Variants in GLIS3 observed in about 807,000 individuals in gnomAD.
GLIS3 encodes GLIS family zinc finger 3.
In GLIS3, 53 loss-of-function variants were observed where a neutral mutation model predicts 78.6. The ratio of observed to expected loss-of-function variants is 0.67; its 90% CI spans 0.54 to 0.85. The LOEUF (loss-of-function observed/expected upper bound fraction) is 0.85. GLIS3 is among the 40% of genes least tolerant of loss of function. The pLI, the probability that GLIS3 is intolerant of heterozygous loss-of-function variation, is 0.00. For synonymous variants in GLIS3, 684 were observed against 509.9 expected (o/e 1.34, Z -4.60); for missense variants, 1,703 against 1,231.1 (o/e 1.38, Z -5.74).
intron 2 of GLIS3, among the ~76,000 whole-genome samples, chr9:4,280,204 G>C (rs1007798734): frequency 6.6e-6 from 1 of 152,038 alleles, no homozygotes; most frequent in Non-Finnish European, 1.5e-5. Flanking sequence ...ATTTTTTGTA[G>C]AGAGAGAGGG....
chr9:4,198,618 A>G (rs1200633311), intron 2 of GLIS3, among the ~76,000 whole-genome samples: 1 of 152,252 alleles, frequency 6.6e-6, no homozygotes, highest in Non-Finnish European at 1.5e-5. Flanking sequence ...GAGAAAAAGA[A>G]AATACCTTGG....
intron 4 of GLIS3, among the ~76,000 whole-genome samples, chr9:4,019,307 A>G (rs923487220): frequency 6.6e-6 from 1 of 152,170 alleles, no homozygotes; most frequent in African/African-American, 2.4e-5. Flanking sequence ...CAGGAGGTTA[A>G]GTCATTTGCC....
chr9:4,202,518 C>G (rs1045551851), intron 2 of GLIS3, among the ~76,000 whole-genome samples: 3 of 152,118 alleles, frequency 2.0e-5, no homozygotes, highest in Non-Finnish European at 2.9e-5. Context: ...CAAAGCAATG[C>G]TAAGCAAAAA....
intron 4 of GLIS3, among the ~76,000 whole-genome samples, chr9:4,095,319 G>A (rs1034736386): frequency 6.6e-6 from 1 of 152,128 alleles, no homozygotes; most frequent in African/African-American, 2.4e-5. Flanking sequence ...CAAATTCTGA[G>A]TATTTCTAAA....
the GLIS3 span, among the ~76,000 whole-genome samples, chr9:4,418,038 T>C: frequency 6.6e-6 from 1 of 152,182 alleles, no homozygotes; most frequent in African/African-American, 2.4e-5. Flanking sequence ...CCTCCAGTCA[T>C]TGTGATAATC....
chr9:4,073,016 T>A (rs1827738359), intron 4 of GLIS3, among the ~76,000 whole-genome samples: 1 of 115,722 alleles, frequency 8.6e-6, no homozygotes, highest in Non-Finnish European at 1.7e-5. Flanking sequence ...TACTGCTTTT[T>A]TCTTTAAAAA....
intron 4 of GLIS3, among the ~76,000 whole-genome samples, chr9:4,014,501 A>G (rs992537416): frequency 6.6e-6 from 1 of 152,188 alleles, no homozygotes; most frequent in Admixed American, 6.5e-5. Context: ...TACAGAGGAA[A>G]GATGGCCATG....
rs192005897 is a variant in GLIS3 at position 3,853,937 on chromosome 9, T to A, written c.2473+2072A>T. Among the ~76,000 whole-genome samples, 11 of 152,318 alleles carry A rather than the reference T, an allele frequency of 7.2e-5. No homozygotes were observed. In the East Asian group the frequency reaches 2.1e-3, roughly 29 times the overall value. ...ACACCATCAACTGTGAAATGCTCCA[T>A]TACTCTAGATAGCACCAGAAAGAAA... is the stretch of plus-strand genomic sequence containing the variant. On this transcript the variant is annotated intron_variant, in intron 9 of 10. Transcript: ENST00000381971.
intron 2 of GLIS3, among the ~76,000 whole-genome samples, chr9:4,129,611 T>G (rs13293626): frequency 6.6e-6 from 1 of 152,080 alleles, no homozygotes; most frequent in South Asian, 2.1e-4. Context: ...CCTTCCACCA[T>G]GATTGAAAGT....
chr9:3,990,169 G>A (rs1820110480), intron 4 of GLIS3, among the ~76,000 whole-genome samples: 1 of 152,148 alleles, frequency 6.6e-6, no homozygotes, highest in African/African-American at 2.4e-5. Flanking sequence ...TGTACAATGT[G>A]GAAAGAGCCG....
At chr9:4,146,001 T>G (rs760059352) in intron 2 of GLIS3, among the ~76,000 whole-genome samples, 1 of 152,186 alleles carries the variant, frequency 6.6e-6, no homozygotes, top group Non-Finnish European at 1.5e-5. Context: ...AGCACAACAT[T>G]CATAACTAAT....
At chr9:4,472,031 G>A in the GLIS3 span, among the ~76,000 whole-genome samples, 1 of 152,230 alleles carries the variant, frequency 6.6e-6, no homozygotes, top group African/African-American at 2.4e-5. Context: ...GGTCATCAGA[G>A]AAATGCAAAT....
intron 4 of GLIS3, among the ~76,000 whole-genome samples, chr9:3,958,843 A>G (rs949816373): frequency 2.6e-5 from 4 of 152,270 alleles, no homozygotes. Context: ...GGAAACAGAA[A>G]TAATACTGGC....
At chr9:4,099,104 C>T (rs1704725576) in intron 4 of GLIS3, among the ~76,000 whole-genome samples, 1 of 152,222 alleles carries the variant, frequency 6.6e-6, no homozygotes, top group Non-Finnish European at 1.5e-5. Flanking sequence ...GAATAAGAGG[C>T]ATGGGCACCT....
At chr9:4,462,541 G>A in the GLIS3 span, among the ~76,000 whole-genome samples, 10 of 151,864 alleles carry the variant, frequency 6.6e-5, no homozygotes, top group Non-Finnish European at 8.8e-5. Flanking sequence ...AGCATTGCTT[G>A]AAGCCAGGAG....
chr9:4,129,616 G>A (rs959820536), intron 2 of GLIS3, among the ~76,000 whole-genome samples: 1 of 152,124 alleles, frequency 6.6e-6, no homozygotes, highest in African/African-American at 2.4e-5. Flanking sequence ...CACCATGATT[G>A]AAAGTTTCCT....
intron 2 of GLIS3, among the ~76,000 whole-genome samples, chr9:4,131,509 C>A (rs117552517): frequency 6.6e-6 from 1 of 152,084 alleles, no homozygotes; most frequent in Non-Finnish European, 1.5e-5. Flanking sequence ...CTGCTATTCT[C>A]GTGTTAGAGT....
At chr9:4,214,877 A>T (rs1820682426) in intron 2 of GLIS3, among the ~76,000 whole-genome samples, 1 of 152,204 alleles carries the variant, frequency 6.6e-6, no homozygotes, top group Non-Finnish European at 1.5e-5. Context: ...ATGGCATATA[A>T]CTTGAACTAA....
chr9:4,091,924 T>C (rs1016806577), intron 4 of GLIS3, among the ~76,000 whole-genome samples: 2 of 151,888 alleles, frequency 1.3e-5, no homozygotes, highest in Non-Finnish European at 2.9e-5. Context: ...AAAAATACCA[T>C]ATAAAAGATA....
Sources: allele counts gnomAD v4.1 joint callset (sites outside exome capture counted in the v4.1 genomes callset), GRCh38; gene constraint gnomAD v4.1.1; transcripts MANE v1.5; gene names NCBI Gene and HGNC (gene_info 2026-07-23, HGNC 2026-07-21).